ANKRD42: variants seen among roughly 807,000 people sequenced by gnomAD.
The protein encoded by ANKRD42 is ankyrin repeat domain 42, also known as ankyrin repeat domain-containing protein 42.
In ANKRD42, 43 loss-of-function variants were observed where a neutral mutation model predicts 51.5. The observed-to-expected ratio is 0.83, with a 90% CI of 0.65 to 1.08. The LOEUF (loss-of-function observed/expected upper bound fraction) is 1.08. Ranked by LOEUF, ANKRD42 falls within the 50% of genes least tolerant of loss-of-function variation. The probability of loss-of-function intolerance (pLI) is 0.00; values close to 1 mark genes in which losing one functional copy is unlikely to be tolerated. For synonymous variants in ANKRD42, 203 were observed against 213.0 expected (o/e 0.95, Z 0.41); for missense variants, 608 against 629.3 (o/e 0.97, Z 0.36).
At chr11:83,203,899 T>C (rs962467096) in intron 2 of ANKRD42, among the ~76,000 whole-genome samples, 1 of 152,222 alleles carries the variant, frequency 6.6e-6, no homozygotes, top group Non-Finnish European at 1.5e-5. Flanking sequence ...TCAGATATAC[T>C]GTTCAACTCC....
chr11:83,203,235 T>C (rs115352965), intron 2 of ANKRD42, among the ~76,000 whole-genome samples: 3,204 of 152,084 alleles, frequency 0.021, 120 homozygotes, highest in African/African-American at 0.07. Flanking sequence ...CCTCAAGTGA[T>C]CCACTTGTCT....
rs58376016 is a variant in ANKRD42 at position 83,248,296 on chromosome 11, TACACACACACAC to T, written c.*121_*132del. 5.9e-3 allele frequency: 7,702 copies of T among 1,296,862 alleles called. 5 individuals carry two copies. The highest frequency in any genetic ancestry group is 8.8e-3 in the South Asian group (451 of 51,450). 80.3% of individuals were successfully genotyped at this position (1,296,862 alleles called of 1,614,324 possible). ...AGAGCTGATGACAGGATTAAAGGAATACACACACACACACACACACACACACACACACACACA... is the reference window on the plus strand; with the variant it reads ...AGAGCTGATGACAGGATTAAAGGAATACACACACACACACACACACACACA... On this transcript the variant is annotated 3_prime_UTR_variant, in exon 11 of 11. Transcript: ENST00000533342.
chr11:83,207,906 C>T (rs1056253218), intron 3 of ANKRD42, among the ~76,000 whole-genome samples: 1 of 152,146 alleles, frequency 6.6e-6, no homozygotes, highest in Admixed American at 6.5e-5. Flanking sequence ...CTTGGATAGA[C>T]TGGTTTTGTA....
intron 10 of ANKRD42, among the ~76,000 whole-genome samples, chr11:83,246,755 A>T (rs1206342849): frequency 2.0e-5 from 3 of 152,184 alleles, no homozygotes; most frequent in Admixed American, 6.5e-5. Flanking sequence ...TGCTAACTGT[A>T]TTCAGAGTAA....
chr11:83,257,831 A>G (rs2135570420), downstream of ANKRD42, among the ~76,000 whole-genome samples: 1 of 152,288 alleles, frequency 6.6e-6, no homozygotes, highest in Admixed American at 6.5e-5. Flanking sequence ...AAGCATACAC[A>G]CCCTGTGGCA....
intron 6 of ANKRD42, among the ~76,000 whole-genome samples, chr11:83,226,557 C>T (rs368954927): frequency 2.6e-5 from 4 of 152,176 alleles, no homozygotes; most frequent in Admixed American, 6.5e-5. Flanking sequence ...AGGACTTACA[C>T]GACTTGATTT....
intron 7 of ANKRD42, among the ~76,000 whole-genome samples, chr11:83,228,788 C>G (rs1170151161): frequency 6.6e-6 from 1 of 152,060 alleles, no homozygotes. Flanking sequence ...GATGTTTTCT[C>G]CTACACAGAG....
intron 5 of ANKRD42, chr11:83,212,629 T>G: frequency 6.6e-7 from 1 of 1,512,682 alleles, no homozygotes; most frequent in Non-Finnish European, 8.9e-7. Context: ...TGAACAGGCC[T>G]GATCAAATCA....
chr11:83,216,851 C>G (rs1862553864), intron 5 of ANKRD42, among the ~76,000 whole-genome samples: 1 of 152,246 alleles, frequency 6.6e-6, no homozygotes, highest in South Asian at 2.1e-4. Flanking sequence ...CAGCTGGCCC[C>G]TCCTCTGAGT....
intron 5 of ANKRD42, chr11:83,212,694 G>C: frequency 2.6e-6 from 4 of 1,536,026 alleles, no homozygotes; most frequent in South Asian, 1.2e-5. Context: ...TCCTTGGCTT[G>C]GCATGCTGGA....
chr11:83,207,285 A>C (rs1862113586), intron 3 of ANKRD42, among the ~76,000 whole-genome samples: 1 of 152,224 alleles, frequency 6.6e-6, no homozygotes, highest in African/African-American at 2.4e-5. Context: ...GGGAACTACA[A>C]TTCAAATGAG....
chr11:83,217,800 C>A (rs1862588196), intron 5 of ANKRD42, among the ~76,000 whole-genome samples: 1 of 152,224 alleles, frequency 6.6e-6, no homozygotes, highest in Admixed American at 6.5e-5. Context: ...GCAAACTGCA[C>A]TGATAACAAG....
chr11:83,252,915 CAG>C (rs1245432761), downstream of ANKRD42, among the ~76,000 whole-genome samples: 2 of 151,834 alleles, frequency 1.3e-5, no homozygotes, highest in African/African-American at 2.4e-5. Flanking sequence ...GCTGTCTGTC[CAG>C]AGAGAGAGTT....
Position 83,198,608 on chromosome 11 carries a change from C to G in ANKRD42, c.188C>G (p.Pro63Arg), listed in dbSNP as rs766687726. The G allele has an allele frequency of 6.2e-7, 1 of 1,608,882 alleles. No individual in the cohort carries two copies. Among genetic ancestry groups the G allele is most frequent in the Non-Finnish European group, 8.5e-7 (1 of 1,177,230 alleles). Residue 63 changes from proline to arginine, a missense_variant, in exon 2 of 11, where the codon CCT becomes CGT. Pro to Arg is a moderately radical substitution (Grantham distance 103, BLOSUM62 -2). Transcript: ENST00000533342. ...NELDVLHKFT[P>R]LHWAAHSGSL... ...CTTGATGTTCTCCATAAGTTTACCC[C>G]TTTACATTGGGCAGCACATTCTGGA... is the stretch of plus-strand genomic sequence containing the variant.
chr11:83,242,407 T>G (rs948635442), intron 9 of ANKRD42, among the ~76,000 whole-genome samples: 2 of 145,626 alleles, frequency 1.4e-5, no homozygotes, highest in African/African-American at 2.6e-5. Flanking sequence ...TGGACTGGAG[T>G]GGAGATGATG....
chr11:83,218,786 T>C (rs762393433), intron 5 of ANKRD42, among the ~76,000 whole-genome samples: 2 of 152,154 alleles, frequency 1.3e-5, no homozygotes, highest in Non-Finnish European at 2.9e-5. Context: ...TGTGGGCCTC[T>C]GTCATTTGGG....
At chr11:83,225,452 C>T (rs1862849014) in intron 6 of ANKRD42, among the ~76,000 whole-genome samples, 1 of 151,678 alleles carries the variant, frequency 6.6e-6, no homozygotes, top group Non-Finnish European at 1.5e-5. Context: ...GTAATCCCAG[C>T]TACTTGGGAG....
At chr11:83,256,307 C>G (rs960429138), downstream of ANKRD42, among the ~76,000 whole-genome samples, 2 of 151,890 alleles carry the variant, frequency 1.3e-5, no homozygotes, top group Admixed American at 1.3e-4. Context: ...ATATTTCTTT[C>G]ACTTTCTAGA....
At position 83,236,534 on chromosome 11, in the gene ANKRD42, C is replaced by G. The variant is rs753212016; in HGVS notation, c.1019+25C>G. On this transcript the variant is annotated intron_variant, in intron 8 of 10. Coordinates refer to ENST00000533342, the MANE Select transcript of ANKRD42 (RefSeq NM_001300975.2). The stretch of plus-strand genomic sequence containing the variant: ...GGTATAAATCTCTGTCTTCTTTACT[C>G]CTTTCTTTTCTCTTTAAAGTTTTGC... The G allele has an allele frequency of 2.6e-6, 4 of 1,544,506 alleles. No individual in the cohort carries two copies. In the African/African-American group the frequency reaches 4.1e-5, roughly 16 times the overall value.
Sources: gnomAD v4.1 joint callset for allele counts (sites outside exome capture counted in the v4.1 genomes callset) on GRCh38, gnomAD v4.1.1 for gene constraint, MANE v1.5 for transcripts, NCBI Gene and HGNC (gene_info 2026-07-23, HGNC 2026-07-21) for gene names.